Variants in EYS observed in about 807,000 individuals in gnomAD.
EYS encodes the protein protein eyes shut homolog.
A neutral mutation model predicts 282.1 loss-of-function variants in EYS; 250 were observed. The observed-to-expected ratio is 0.89, with a 90% CI of 0.80 to 0.98. EYS has a LOEUF of 0.98. Among genes scored for constraint, EYS ranks in the 50% least tolerant of loss-of-function variants. The pLI is 0.00. For missense variants in EYS, 4,016 were observed against 3,709.0 expected, an observed-to-expected ratio of 1.08 and a Z score of -2.15; for synonymous variants, 1,355 against 1,282.9, an observed-to-expected ratio of 1.06 and a Z score of -1.20.
intron 26 of EYS, among the ~76,000 whole-genome samples, chr6:64,588,792 T>A (rs951179810): frequency 6.6e-6 from 1 of 151,964 alleles, no homozygotes; most frequent in African/African-American, 2.4e-5. Context: ...TATTGGAAAA[T>A]GTCAACAAAT....
chr6:65,080,276 G>A (rs1774193953), intron 12 of EYS, among the ~76,000 whole-genome samples: 1 of 152,078 alleles, frequency 6.6e-6, no homozygotes, highest in Non-Finnish European at 1.5e-5. Context: ...CCAACTGTGA[G>A]TACAGTGTGA....
At chr6:65,389,741 A>C (rs78615841) in intron 7 of EYS, among the ~76,000 whole-genome samples, 9,279 of 152,202 alleles carry the variant, frequency 0.061, 430 homozygotes, top group African/African-American at 0.13. Context: ...AGGGCTCAGT[A>C]ATCAATTATG....
intron 14 of EYS, among the ~76,000 whole-genome samples, chr6:64,981,552 A>C (rs2150116874): frequency 6.6e-6 from 1 of 151,302 alleles, no homozygotes; most frequent in Admixed American, 6.6e-5. Flanking sequence ...TACTATACCC[A>C]TATATTTTAT....
chr6:64,958,889 C>G (rs1288648077), intron 14 of EYS, among the ~76,000 whole-genome samples: 1 of 151,800 alleles, frequency 6.6e-6, no homozygotes, highest in Non-Finnish European at 1.5e-5. Flanking sequence ...TACAGTTAGA[C>G]ACACAATCAT....
intron 35 of EYS, among the ~76,000 whole-genome samples, chr6:63,953,130 G>A (rs1383551923): frequency 6.6e-6 from 1 of 152,092 alleles, no homozygotes; most frequent in African/African-American, 2.4e-5. Flanking sequence ...TGACATTAAA[G>A]ATGGTTTTTT....
chr6:64,897,860 T>C (rs867284520), intron 18 of EYS, among the ~76,000 whole-genome samples: 1 of 152,078 alleles, frequency 6.6e-6, no homozygotes, highest in Admixed American at 6.5e-5. Context: ...ATATCAGAGA[T>C]TGAAGATCAA....
At chr6:64,077,272 T>C (rs1771806594) in intron 32 of EYS, among the ~76,000 whole-genome samples, 1 of 152,056 alleles carries the variant, frequency 6.6e-6, no homozygotes. Context: ...TGCTATCTAA[T>C]ATGATGCCAG....
At chr6:64,552,490 C>T (rs2149806422) in intron 26 of EYS, among the ~76,000 whole-genome samples, 1 of 152,232 alleles carries the variant, frequency 6.6e-6, no homozygotes, top group East Asian at 1.9e-4. Context: ...CTCTCCGAAG[C>T]CTGCTACCTG....
intron 31 of EYS, among the ~76,000 whole-genome samples, chr6:64,185,090 A>T (rs990431570): frequency 6.6e-6 from 1 of 152,156 alleles, no homozygotes; most frequent in Non-Finnish European, 1.5e-5. Context: ...GCCATCATAC[A>T]TAAGTCAGAT....
At chr6:64,830,620 C>G (rs956904589) in intron 19 of EYS, among the ~76,000 whole-genome samples, 3 of 151,770 alleles carry the variant, frequency 2.0e-5, no homozygotes, top group African/African-American at 7.3e-5. Flanking sequence ...AGATGCAGTA[C>G]CAAGATCAAC....
intron 29 of EYS, among the ~76,000 whole-genome samples, chr6:64,312,686 C>G (rs1160830964): frequency 2.0e-5 from 3 of 152,160 alleles, no homozygotes; most frequent in Non-Finnish European, 4.4e-5. Context: ...GAGGAAGGAA[C>G]AGACAGAAAT....
chr6:65,323,922 T>G (rs2788905), intron 11 of EYS, among the ~76,000 whole-genome samples: 1 of 151,966 alleles, frequency 6.6e-6, no homozygotes, highest in Non-Finnish European at 1.5e-5. Flanking sequence ...AAGGTTCTAT[T>G]TAATCTATTC....
intron 31 of EYS, among the ~76,000 whole-genome samples, chr6:64,203,856 T>C (rs1765544243): frequency 6.6e-6 from 1 of 152,162 alleles, no homozygotes; most frequent in African/African-American, 2.4e-5. Flanking sequence ...GAACAAGTAC[T>C]TTGAGGGAGA....
At chr6:64,684,664 G>C (rs1770025607) in intron 22 of EYS, among the ~76,000 whole-genome samples, 1 of 151,846 alleles carries the variant, frequency 6.6e-6, no homozygotes, top group Non-Finnish European at 1.5e-5. Context: ...TAATGGCCTG[G>C]TAAGGATATG....
At chr6:63,773,128 C>T (rs1008348016) in intron 40 of EYS, among the ~76,000 whole-genome samples, 4 of 152,106 alleles carry the variant, frequency 2.6e-5, no homozygotes, top group African/African-American at 4.8e-5. Context: ...TGAGCAGTTT[C>T]CAGTCTTTGT....
At chr6:64,314,566 AATG>A (rs1457680707) in intron 29 of EYS, among the ~76,000 whole-genome samples, 1 of 152,188 alleles carries the variant, frequency 6.6e-6, no homozygotes, top group Non-Finnish European at 1.5e-5. Flanking sequence ...AAAAGAAAAA[AATG>A]ATAACACACA....
intron 12 of EYS, among the ~76,000 whole-genome samples, chr6:65,073,743 C>G (rs753932575): frequency 6.6e-6 from 1 of 151,634 alleles, no homozygotes; most frequent in Non-Finnish European, 1.5e-5. Flanking sequence ...AAAGGATATA[C>G]AAATATTATG....
chr6:63,878,159 T>C (rs1426739716), intron 35 of EYS, among the ~76,000 whole-genome samples: 1 of 152,158 alleles, frequency 6.6e-6, no homozygotes, highest in Non-Finnish European at 1.5e-5. Context: ...GGTTTTGGTG[T>C]GGATGTCCTT....
chr6:63,864,211 C>G lies in EYS; in HGVS notation c.7203G>C (p.Gly2401=). 1 of 1,545,282 alleles carries G rather than the reference C, an allele frequency of 6.5e-7. No homozygotes were observed. The highest frequency in any genetic ancestry group is 8.7e-7 in the Non-Finnish European group (1 of 1,142,902). Reference sequence around the variant, plus strand: ...CATCAGTGCAGAGGGGTCCAGACCTCCCATATGGGCAGAGGCAGACAATAT... The same window carrying G: ...CATCAGTGCAGAGGGGTCCAGACCTGCCATATGGGCAGAGGCAGACAATAT... ...GTDIVCLCPY[G]RSGPLCTDAI... is the part of the protein sequence containing the mutation. The change falls in exon 36 of 43, where the codon GGG becomes GGC. Residue 2401 remains glycine, a synonymous_variant. Coordinates refer to ENST00000503581, the MANE Select transcript of EYS (RefSeq NM_001142800.2).
Sources: gnomAD v4.1 joint callset for allele counts (sites outside exome capture counted in the v4.1 genomes callset) on GRCh38, gnomAD v4.1.1 for gene constraint, MANE v1.5 for transcripts, NCBI Gene and HGNC (gene_info 2026-07-23, HGNC 2026-07-21) for gene names.